TRMT11: variants seen among roughly 807,000 people sequenced by gnomAD.
TRMT11 encodes the protein tRNA methyltransferase 11, also known as tRNA (guanine(10)-N(2))-methyltransferase TRMT11.
TRMT11 carries 53 observed loss-of-function variants against 62.8 expected under a neutral mutation model. The observed-to-expected ratio is 0.84, with a 90% CI of 0.68 to 1.06. The LOEUF (loss-of-function observed/expected upper bound fraction) is 1.06. Among genes scored for constraint, TRMT11 ranks in the 50% least tolerant of loss-of-function variants. The probability of loss-of-function intolerance (pLI) is 0.00; values close to 1 mark genes in which losing one functional copy is unlikely to be tolerated. For missense variants in TRMT11, 556 were observed against 553.4 expected (o/e 1.00, Z -0.05); for synonymous variants, 188 against 190.3 (o/e 0.99, Z 0.10).
At chr6:126,034,962 ATGT>A (rs1313285648) in intron 12 of TRMT11, among the ~76,000 whole-genome samples, 1 of 152,132 alleles carries the variant, frequency 6.6e-6, no homozygotes, top group East Asian at 1.9e-4. Flanking sequence ...GATGAAAAAT[ATGT>A]AGAGTTGAAT....
At chr6:126,083,091 C>T (rs1369793371) in intron 17 of TRMT11, among the ~76,000 whole-genome samples, 1 of 152,132 alleles carries the variant, frequency 6.6e-6, no homozygotes, top group Admixed American at 6.5e-5. Context: ...ATAAAAATGG[C>T]TAATGGGTAT....
At chr6:126,201,180 T>C (rs879258442) in intron 3 of TRMT11, among the ~76,000 whole-genome samples, 8 of 152,224 alleles carry the variant, frequency 5.3e-5, no homozygotes, top group East Asian at 1.9e-4. Flanking sequence ...CTTTGATGTA[T>C]CTGGAATAGC....
intron 17 of TRMT11, among the ~76,000 whole-genome samples, chr6:126,102,383 T>A (rs1777411489): frequency 6.6e-6 from 1 of 152,078 alleles, no homozygotes; most frequent in Admixed American, 6.5e-5. Context: ...TTTTGAGCAA[T>A]ATCTTTATCT....
chr6:126,128,859 A>G (rs972606897), intron 21 of TRMT11, among the ~76,000 whole-genome samples: 6 of 152,046 alleles, frequency 3.9e-5, no homozygotes, highest in Admixed American at 6.6e-5. Context: ...GATTACTCTG[A>G]ACACGTAGGA....
At chr6:126,092,783 A>C (rs1777292429) in intron 17 of TRMT11, among the ~76,000 whole-genome samples, 1 of 152,174 alleles carries the variant, frequency 6.6e-6, no homozygotes, top group South Asian at 2.1e-4. Flanking sequence ...AATTTTTACC[A>C]ATCCAGTGTT....
chr6:126,121,495 C>T (rs772696851), intron 21 of TRMT11, among the ~76,000 whole-genome samples: 7 of 152,154 alleles, frequency 4.6e-5, no homozygotes, highest in South Asian at 2.1e-4. Context: ...CCTGTGCTTT[C>T]GTGTTAGAAA....
chr6:126,065,946 A>T (rs1028811749), intron 17 of TRMT11, among the ~76,000 whole-genome samples: 1 of 152,228 alleles, frequency 6.6e-6, no homozygotes, highest in Admixed American at 6.5e-5. Flanking sequence ...CTCAGACTAT[A>T]GAAAACCGGA....
chr6:126,140,249 T>C, intron 21 of TRMT11, among the ~76,000 whole-genome samples: 1 of 151,448 alleles, frequency 6.6e-6, no homozygotes, highest in South Asian at 2.1e-4. Context: ...GATGTGTAAT[T>C]AAAAAAAAAT....
chr6:126,196,326 C>T (rs998387618), intron 1 of TRMT11, among the ~76,000 whole-genome samples: 1 of 152,060 alleles, frequency 6.6e-6, no homozygotes, highest in Non-Finnish European at 1.5e-5. Context: ...TTCTTTTACG[C>T]TTTACACAGG....
intron 17 of TRMT11, among the ~76,000 whole-genome samples, chr6:126,058,424 A>G (rs1407952107): frequency 2.6e-5 from 4 of 152,202 alleles, no homozygotes; most frequent in Non-Finnish European, 4.4e-5. Flanking sequence ...ATACATGTGC[A>G]TGTGTCTTTA....
the TRMT11 span, among the ~76,000 whole-genome samples, chr6:126,218,293 C>G: frequency 1.3e-5 from 2 of 152,184 alleles, no homozygotes; most frequent in Non-Finnish European, 1.5e-5. Context: ...CAAGGAGTCT[C>G]TCCTCATAGA....
chr6:126,149,260 C>A (rs890694389), intron 21 of TRMT11, among the ~76,000 whole-genome samples: 12 of 152,172 alleles, frequency 7.9e-5, no homozygotes, highest in African/African-American at 2.7e-4. Context: ...CTGTTAAAGC[C>A]ATTTTAGCTT....
chr6:126,216,852 C>T, the TRMT11 span, among the ~76,000 whole-genome samples: 1 of 151,488 alleles, frequency 6.6e-6, no homozygotes, highest in Non-Finnish European at 1.5e-5. Context: ...CTCTCTCTTC[C>T]CCTTTTCATA....
chr6:126,257,919 C>G, the TRMT11 span: 1 of 1,535,590 alleles, frequency 6.5e-7, no homozygotes, highest in Non-Finnish European at 9.0e-7. Context: ...GGTCAAGGAC[C>G]CTCACTTCTT....
At chr6:126,127,929 C>T (rs1470445645) in intron 21 of TRMT11, among the ~76,000 whole-genome samples, 1 of 151,978 alleles carries the variant, frequency 6.6e-6, no homozygotes, top group Non-Finnish European at 1.5e-5. Context: ...TCCCTCTATC[C>T]TGGGATTCTA....
chr6:126,063,574 C>T (rs967952061), intron 17 of TRMT11, among the ~76,000 whole-genome samples: 3 of 152,198 alleles, frequency 2.0e-5, no homozygotes, highest in Non-Finnish European at 4.4e-5. Context: ...ACCAGAGCTT[C>T]TCAAATGTTA....
At chr6:126,271,495 A>G in the TRMT11 span, among the ~76,000 whole-genome samples, 2 of 151,330 alleles carry the variant, frequency 1.3e-5, no homozygotes, top group Non-Finnish European at 2.9e-5. Context: ...TTATATATAT[A>G]TATATATATG....
At chr6:126,026,664 C>T (rs1357472477) in intron 12 of TRMT11, among the ~76,000 whole-genome samples, 1 of 151,988 alleles carries the variant, frequency 6.6e-6, no homozygotes, top group African/African-American at 2.4e-5. Flanking sequence ...GGATTATAGG[C>T]GCGAGCCATC....
intron 11 of TRMT11, among the ~76,000 whole-genome samples, chr6:126,014,375 C>T (rs1232263249): frequency 1.3e-5 from 2 of 152,092 alleles, no homozygotes; most frequent in Non-Finnish European, 2.9e-5. Context: ...CTCAGCCTTC[C>T]GAGTAGCTGG....
Sources: allele counts gnomAD v4.1 joint callset (sites outside exome capture counted in the v4.1 genomes callset), GRCh38; gene constraint gnomAD v4.1.1; transcripts MANE v1.5; gene names NCBI Gene and HGNC (gene_info 2026-07-23, HGNC 2026-07-21).